The following CATSPER2 variants were observed in gnomAD, a reference collection of about 807,000 sequenced individuals.
CATSPER2 encodes the protein cation channel sperm-associated protein 2.
CATSPER2 carries 56 observed loss-of-function variants against 68.8 expected under a neutral mutation model. That is an observed-to-expected ratio of 0.81 (90% CI 0.66 to 1.02). The LOEUF (loss-of-function observed/expected upper bound fraction) is 1.02, where lower values mean the gene tolerates loss of function less well. Among genes scored for constraint, CATSPER2 ranks in the 50% least tolerant of loss-of-function variants. CATSPER2 has a pLI of 0.00. For synonymous variants in CATSPER2, 198 were observed against 229.9 expected, an observed-to-expected ratio of 0.86 and a Z score of 1.26; for missense variants, 582 against 642.0, an observed-to-expected ratio of 0.91 and a Z score of 1.01.
chr15:43,632,522 G>C (rs1220630205), intron 11 of CATSPER2, 159 bp from the exon 12 acceptor site: 1 of 1,409,486 alleles, frequency 7.1e-7, no homozygotes, highest in African/African-American at 1.4e-5. Flanking sequence ...TTTACAACGA[G>C]CAAAGAGGGC....
chr15:43,641,379 C>T (rs2086071118), intron 4 of CATSPER2, among the ~76,000 whole-genome samples: 1 of 151,908 alleles, frequency 6.6e-6, no homozygotes, highest in South Asian at 2.1e-4. Flanking sequence ...TCCCAAAGTG[C>T]TGGGATTATA....
intron 7 of CATSPER2, chr15:43,637,850 C>T (rs2085991395): frequency 6.6e-6 from 1 of 151,738 alleles, no homozygotes; most frequent in Admixed American, 6.6e-5. Context: ...ATTAATTGAT[C>T]ACTTATAATG....
upstream of CATSPER2, chr15:43,648,868 A>C: frequency 7.3e-6 from 11 of 1,510,880 alleles, no homozygotes; most frequent in Non-Finnish European, 9.7e-6. Flanking sequence ...CTCGCCGCCT[A>C]GGCCCCGCCC....
chr15:43,632,026 A>G (rs1305540502), intron 12 of CATSPER2, among the ~76,000 whole-genome samples, 173 bp downstream of exon 12: 1 of 151,984 alleles, frequency 6.6e-6, no homozygotes, highest in Non-Finnish European at 1.5e-5. Context: ...AAAGTGGGAC[A>G]CATTCCCAGA....
intron 9 of CATSPER2, 134 bp from the exon 10 acceptor site, chr15:43,635,550 T>C (rs1297424637): frequency 4.4e-6 from 5 of 1,128,980 alleles, no homozygotes; most frequent in Admixed American, 3.6e-5. Context: ...GTGAAAAAAA[T>C]GGAGGACACC....
chr15:43,638,286 C>CTTTTTTTTTTT (rs71460446), intron 7 of CATSPER2, among the ~76,000 whole-genome samples: 4 of 81,866 alleles, frequency 4.9e-5, no homozygotes, highest in African/African-American at 2.3e-4. Context: ...TTCTTTCTTT[C>CTTTTTTTTTTT]TTTTTTTTTT....
chr15:43,648,176 T>A (rs1269732043), intron 1 of CATSPER2, 113 bp from the exon 2 acceptor site: 14 of 1,212,650 alleles, frequency 1.2e-5, no homozygotes, highest in Non-Finnish European at 1.7e-5. Context: ...TTCCTTAATG[T>A]ACCCACATCT....
chr15:43,648,420 G>T (rs1306308147), intron 1 of CATSPER2, among the ~76,000 whole-genome samples: 1 of 152,014 alleles, frequency 6.6e-6, no homozygotes, highest in Non-Finnish European at 1.5e-5. Context: ...AAAGAATCTG[G>T]GTCCCACCTG....
chr15:43,639,468 T>C lies in CATSPER2; in HGVS notation c.717+175A>G, dbSNP rs2086033166. 6.5e-6 allele frequency: 4 copies of C among 618,378 alleles called. No individual in the cohort carries two copies. The South Asian group carries it at 6.6e-5, about 10-fold the overall frequency. The allele number at this position is 618,378 out of a possible 1,614,324, so 38.3% of individuals were successfully genotyped here. ...TTTTAGTAGAGACAGGGTTTCACCATGTTGGTCAGGCTGGTCTCGAACTCC... is the reference window on the plus strand; with the variant it reads ...TTTTAGTAGAGACAGGGTTTCACCACGTTGGTCAGGCTGGTCTCGAACTCC... On this transcript the variant is annotated intron_variant, in intron 6 of 12. Transcript: ENST00000396879.
In CATSPER2 at chr15:43,641,903, G is replaced by T. The variant is rs2086081377; in HGVS notation, c.389-1407C>A. Among the ~76,000 whole-genome samples the T allele has an allele frequency of 3.3e-5, 5 of 151,780 alleles. No homozygotes were observed. In the South Asian group the frequency reaches 1.0e-3, roughly 32 times the overall value. ...TGTAGAGATGGGGTCTCCCTATGCT[G>T]CCCAGGTTGGCCTCAAACTGCTGGG... On this transcript the variant is annotated intron_variant, in intron 4 of 12. Coordinates refer to ENST00000396879, the MANE Select transcript of CATSPER2 (RefSeq NM_172095.4).
chr15:43,647,546 T>A, intron 2 of CATSPER2, 79 bp from the exon 3 acceptor site: 1 of 1,353,912 alleles, frequency 7.4e-7, no homozygotes. Context: ...GGGATACTGG[T>A]CAGGTAATGG....
chr15:43,634,426 G>A (rs1233788248), intron 10 of CATSPER2: 1 of 151,840 alleles, frequency 6.6e-6, no homozygotes, highest in Non-Finnish European at 1.5e-5. Flanking sequence ...ATATTGCCTA[G>A]TTTAGTCTCG....
At position 43,633,199 on chromosome 15, in the gene CATSPER2, C is replaced by T. The variant is rs143659948; in HGVS notation, c.1179-265G>A. 4,224 of 476,440 alleles carry T rather than the reference C, an allele frequency of 8.9e-3. 107 individuals are homozygous for T. The highest frequency in any genetic ancestry group is 0.06 in the East Asian group (1,472 of 24,722). The allele number at this position is 476,440 out of a possible 1,614,324, so 29.5% of individuals were successfully genotyped here. On this transcript the variant is annotated intron_variant, in intron 10 of 12. Transcript: ENST00000396879. ...ATATCTTTTCTCAATAACTCACTGCCACCACTCTGGCCTAAGCTGTCATCA... is the reference window on the plus strand; with the variant it reads ...ATATCTTTTCTCAATAACTCACTGCTACCACTCTGGCCTAAGCTGTCATCA...
intron 4 of CATSPER2, among the ~76,000 whole-genome samples, chr15:43,644,769 G>C (rs2614831): frequency 9.2e-5 from 14 of 152,122 alleles, no homozygotes; most frequent in South Asian, 4.2e-4. Flanking sequence ...AAACTGTCTT[G>C]CAAGAAACCA....
Position 43,629,689 on chromosome 15 carries a change from C to T in CATSPER2, c.*1012G>A, listed in dbSNP as rs1464644982. 6.7e-6 allele frequency: 1 copy of T among 150,062 alleles called. No homozygotes were observed. 9.3% of individuals were successfully genotyped at this position (150,062 alleles called of 1,614,324 possible). ...TTTCAGTGATGTTCTAAAAGGTGTT[C>T]CTGCTTTGATGGGAGATAGATTAAC... is the stretch of plus-strand genomic sequence containing the variant. On this transcript the variant is annotated 3_prime_UTR_variant, in exon 13 of 13. Coordinates refer to ENST00000396879, the MANE Select transcript of CATSPER2 (RefSeq NM_172095.4).
In CATSPER2 at chr15:43,646,292, TC is replaced by T. The variant is rs1031514031; in HGVS notation, c.388+757del. On this transcript the variant is annotated intron_variant, in intron 4 of 12. Coordinates refer to ENST00000396879, the MANE Select transcript of CATSPER2 (RefSeq NM_172095.4). Reference sequence around the variant, plus strand: ...TTGAGAGCCTCCAAATATTAATATTTCTTTTTTTTTTGAGATGGGGTGCAGT... The same window carrying T: ...TTGAGAGCCTCCAAATATTAATATTTTTTTTTTTTTGAGATGGGGTGCAGT... Among the ~76,000 whole-genome samples the T allele has an allele frequency of 3.6e-5, 5 of 137,426 alleles. 1 individual carries two copies. Among genetic ancestry groups the T allele is most frequent in the African/African-American group, 1.7e-4 (5 of 30,236 alleles). 90.2% of individuals were successfully genotyped at this position (137,426 alleles called of 152,430 possible).
In CATSPER2 at chr15:43,640,511, C is replaced by G. The variant is rs1335420549; in HGVS notation, c.389-15G>C. 2 of 1,612,880 alleles carry G rather than the reference C, an allele frequency of 1.2e-6. No homozygotes were observed. Among genetic ancestry groups the G allele is most frequent in the African/African-American group, 1.3e-5 (1 of 74,840 alleles). Reference sequence around the variant, plus strand: ...TTCCAGCAATTCTGTGAAGATAGAGCAAAGGAGGAATAAAAGTTAAGGAAG... The same window carrying G: ...TTCCAGCAATTCTGTGAAGATAGAGGAAAGGAGGAATAAAAGTTAAGGAAG... On this transcript the variant is annotated splice_polypyrimidine_tract_variant and intron_variant, in intron 4 of 12. Transcript: ENST00000396879.
chr15:43,635,929 A>C (rs2085955976), intron 8 of CATSPER2, 103 bp from the exon 9 acceptor site: 1 of 1,254,952 alleles, frequency 8.0e-7, no homozygotes, highest in African/African-American at 1.5e-5. Flanking sequence ...CCAGAACCCA[A>C]GCCTTCCTGC....
rs183717722 is a variant in CATSPER2 at position 43,632,161 on chromosome 15, A to G, written c.1561+38T>C. The G allele has an allele frequency of 2.6e-3, 4,182 of 1,600,824 alleles. 55 individuals carry two copies. Among genetic ancestry groups the G allele is most frequent in the Non-Finnish European group, 3.2e-3 (3,755 of 1,168,338 alleles). On this transcript the variant is annotated intron_variant, in intron 12 of 12. Transcript: ENST00000396879. ...CTCCACAGCTATAAACGCTATATATATATTCCCATGGTCCCCATGACTGCC... is the reference window on the plus strand; with the variant it reads ...CTCCACAGCTATAAACGCTATATATGTATTCCCATGGTCCCCATGACTGCC...
Sources: allele counts gnomAD v4.1 joint callset (sites outside exome capture counted in the v4.1 genomes callset), GRCh38; gene constraint gnomAD v4.1.1; transcripts MANE v1.5; gene names NCBI Gene and HGNC (gene_info 2026-07-23, HGNC 2026-07-21).